TNS1: variants seen among roughly 807,000 people sequenced by gnomAD.
The protein encoded by TNS1 is tensin-1.
In TNS1, 62 loss-of-function variants were observed where a neutral mutation model predicts 168.6. The ratio of observed to expected loss-of-function variants is 0.37; its 90% confidence interval spans 0.30 to 0.45. The LOEUF (loss-of-function observed/expected upper bound fraction) is 0.45, where lower values mean the gene tolerates loss of function less well. Among genes scored for constraint, TNS1 ranks in the 20% least tolerant of loss-of-function variants. The pLI is 1.00. For missense variants in TNS1, 2,240 were observed against 2,339.4 expected (o/e 0.96, Z 0.88); for synonymous variants, 934 against 933.2 (o/e 1.00, Z -0.02).
At chr2:217,811,650 G>A (rs901683774) in intron 28 of TNS1, among the ~76,000 whole-genome samples, 2 of 152,224 alleles carry the variant, frequency 1.3e-5, no homozygotes, top group African/African-American at 2.4e-5. Context: ...GGTGGGCCCT[G>A]TGTTGCTGAG....
chr2:217,826,856 A>C (rs1943700657), intron 22 of TNS1, among the ~76,000 whole-genome samples: 1 of 152,192 alleles, frequency 6.6e-6, no homozygotes, highest in African/African-American at 2.4e-5. Context: ...CCGGTCTGGC[A>C]CTGTCAGCTC....
At chr2:217,826,959 T>C (rs892308815) in intron 22 of TNS1, among the ~76,000 whole-genome samples, 2 of 152,092 alleles carry the variant, frequency 1.3e-5, no homozygotes, top group Admixed American at 6.6e-5. Context: ...AATCAAGACA[T>C]GTGGGTGGGA....
intron 3 of TNS1, among the ~76,000 whole-genome samples, chr2:217,951,615 C>T (rs942775129): frequency 2.6e-5 from 4 of 152,174 alleles, no homozygotes; most frequent in African/African-American, 9.7e-5. Flanking sequence ...TCTCCTTGAC[C>T]TGACAGGGGC....
chr2:217,896,935 A>G (rs998468899), intron 8 of TNS1, among the ~76,000 whole-genome samples: 4 of 152,122 alleles, frequency 2.6e-5, no homozygotes, highest in Admixed American at 2.6e-4. Context: ...TTTTATTTGT[A>G]TTGTTTTTTA....
chr2:217,897,764 G>A, intron 8 of TNS1, 34 bp downstream of exon 8: 1 of 1,556,822 alleles, frequency 6.4e-7, no homozygotes, highest in Non-Finnish European at 8.7e-7. Flanking sequence ...AGCATAGAGG[G>A]CACAGGACAG....
At chr2:218,015,590 A>G (rs1382091429) in intron 1 of TNS1, among the ~76,000 whole-genome samples, 1 of 152,112 alleles carries the variant, frequency 6.6e-6, no homozygotes, top group Non-Finnish European at 1.5e-5. Flanking sequence ...TCTTCTGCAC[A>G]ATGAATGCCT....
At chr2:217,958,591 T>C (rs1957421874) in intron 3 of TNS1, among the ~76,000 whole-genome samples, 1 of 152,196 alleles carries the variant, frequency 6.6e-6, no homozygotes, top group Non-Finnish European at 1.5e-5. Flanking sequence ...CCCTCATGGG[T>C]AGACCTAACC....
intron 4 of TNS1, among the ~76,000 whole-genome samples, chr2:217,919,484 G>A (rs3791914): frequency 2.0e-5 from 3 of 152,224 alleles, no homozygotes; most frequent in East Asian, 1.9e-4. Context: ...CCCCAGCAGC[G>A]CCCAGAGCCT....
chr2:217,805,114 G>T (rs925402834), intron 32 of TNS1, among the ~76,000 whole-genome samples: 2 of 151,086 alleles, frequency 1.3e-5, no homozygotes, highest in Non-Finnish European at 3.0e-5. Context: ...TATTCTTCCT[G>T]GGCTCAAGAA....
chr2:217,955,512 G>A (rs1559386441), intron 3 of TNS1, among the ~76,000 whole-genome samples: 2 of 151,668 alleles, frequency 1.3e-5, no homozygotes, highest in South Asian at 2.1e-4. Context: ...CCTTCCTCCC[G>A]CACAGTGCCC....
chr2:217,875,796 C>T (rs1950157940), intron 18 of TNS1, among the ~76,000 whole-genome samples: 1 of 152,202 alleles, frequency 6.6e-6, no homozygotes, highest in Admixed American at 6.5e-5. Flanking sequence ...GATGGGCACC[C>T]TTTAGAACTA....
intron 18 of TNS1, chr2:217,879,462 G>A (rs562418622): frequency 4.2e-5 from 19 of 454,478 alleles, no homozygotes; most frequent in African/African-American, 2.8e-4. Context: ...CAGCCTGGGG[G>A]GTCGGAGGGG....
chr2:217,921,762 A>G (rs1407357731), intron 3 of TNS1, among the ~76,000 whole-genome samples: 1 of 152,168 alleles, frequency 6.6e-6, no homozygotes, highest in Non-Finnish European at 1.5e-5. Context: ...AATAATACCC[A>G]ATACTATTGA....
chr2:217,903,689 C>T (rs1275060517), intron 6 of TNS1: 1 of 1,287,446 alleles, frequency 7.8e-7, no homozygotes, highest in Non-Finnish European at 1.1e-6. Flanking sequence ...ACTTTTCTCA[C>T]TGTCAGGAAT....
chr2:217,949,711 A>C (rs929712227), intron 3 of TNS1, among the ~76,000 whole-genome samples: 28 of 151,970 alleles, frequency 1.8e-4, no homozygotes, highest in African/African-American at 6.8e-4. Context: ...ACAACTTAGA[A>C]GGGAGGCTTA....
At chr2:217,877,712 G>C (rs545959255) in intron 18 of TNS1, among the ~76,000 whole-genome samples, 2 of 152,216 alleles carry the variant, frequency 1.3e-5, no homozygotes, top group Non-Finnish European at 1.5e-5. Flanking sequence ...GTTAAATGCA[G>C]AGCAGTTCCT....
At chr2:217,891,366 C>T (rs1242144550) in intron 11 of TNS1, among the ~76,000 whole-genome samples, 2 of 152,196 alleles carry the variant, frequency 1.3e-5, no homozygotes, top group African/African-American at 2.4e-5. Flanking sequence ...CTTCATTCTC[C>T]TCACCCATCA....
intron 3 of TNS1, among the ~76,000 whole-genome samples, chr2:217,977,311 G>A (rs1163220254): frequency 6.6e-6 from 1 of 152,204 alleles, no homozygotes; most frequent in African/African-American, 2.4e-5. Context: ...AGAGGCCGCA[G>A]GAAAGGAGAA....
chr2:217,821,639 CTG>C, intron 23 of TNS1, 99 bp downstream of exon 23: 1 of 1,204,968 alleles, frequency 8.3e-7, no homozygotes, highest in Non-Finnish European at 1.1e-6. Context: ...TGCTTTCTGC[CTG>C]TCCACGCCAT....
Sources: allele counts gnomAD v4.1 joint callset (sites outside exome capture counted in the v4.1 genomes callset), GRCh38; gene constraint gnomAD v4.1.1; transcripts MANE v1.5; gene names NCBI Gene and HGNC (gene_info 2026-07-23, HGNC 2026-07-21).